The following SLC22A23 variants were observed in gnomAD, a reference collection of about 807,000 sequenced individuals.
The protein encoded by SLC22A23 is ion transporter protein.
In SLC22A23, 26 loss-of-function variants were observed where a neutral mutation model predicts 61.0. That is an observed-to-expected ratio of 0.43 (90% CI 0.31 to 0.59). SLC22A23 has a LOEUF of 0.59. Among genes scored for constraint, SLC22A23 ranks in the 20% least tolerant of loss-of-function variants. The pLI is 0.11. For missense variants in SLC22A23, 796 were observed against 934.7 expected, an observed-to-expected ratio of 0.85 and a Z score of 1.94; for synonymous variants, 430 against 413.9, an observed-to-expected ratio of 1.04 and a Z score of -0.47.
chr6:3,278,450 G>A (rs1436992690), intron 9 of SLC22A23, among the ~76,000 whole-genome samples: 2 of 152,194 alleles, frequency 1.3e-5, no homozygotes, highest in South Asian at 2.1e-4. Context: ...CCAGACCACC[G>A]TTCAAAGACA....
chr6:3,450,375 C>T (rs1302916560), intron 1 of SLC22A23, among the ~76,000 whole-genome samples: 3 of 152,108 alleles, frequency 2.0e-5, no homozygotes, highest in African/African-American at 2.4e-5. Context: ...GGAGTGATCT[C>T]GGCTCACCGC....
chr6:3,455,976 G>C lies in SLC22A23; in HGVS notation c.584C>G (p.Ala195Gly). 6.5e-7 allele frequency: 1 copy of C among 1,546,120 alleles called. No homozygotes were observed. The highest frequency in any genetic ancestry group is 8.7e-7 in the Non-Finnish European group (1 of 1,145,346). ...CCATGCGCGGCAGTCACAGTTGGAG[G>C]CGTTGTCCCCCTTGTCCGGAGGGGA... is the stretch of plus-strand genomic sequence containing the variant. ...LPSPPDKGDN[A>G]SNCDCRAWDY... The change falls in exon 1 of 10, where the codon GCC (alanine) becomes GGC (glycine). Residue 195 changes from alanine to glycine, a missense_variant. Ala to Gly is a moderately conservative substitution (Grantham distance 60). Coordinates refer to ENST00000406686, the MANE Select transcript of SLC22A23 (RefSeq NM_015482.2).
intron 3 of SLC22A23, among the ~76,000 whole-genome samples, chr6:3,399,114 C>T (rs1446956063): frequency 6.6e-6 from 1 of 152,194 alleles, no homozygotes; most frequent in Non-Finnish European, 1.5e-5. Flanking sequence ...TAGAGAATCA[C>T]CAGCAAGGCC....
chr6:3,380,283 T>C (rs1227856809), intron 3 of SLC22A23, among the ~76,000 whole-genome samples: 1 of 152,204 alleles, frequency 6.6e-6, no homozygotes, highest in Non-Finnish European at 1.5e-5. Context: ...GCCTTGACTA[T>C]AACCCCTCCA....
At chr6:3,280,660 T>G (rs1759383661) in intron 9 of SLC22A23, among the ~76,000 whole-genome samples, 2 of 151,952 alleles carry the variant, frequency 1.3e-5, no homozygotes, top group African/African-American at 4.8e-5. Flanking sequence ...CACGCCCGGC[T>G]AATTTTTTTT....
intron 7 of SLC22A23, among the ~76,000 whole-genome samples, chr6:3,285,721 C>T (rs1759930883): frequency 6.6e-6 from 1 of 152,248 alleles, no homozygotes; most frequent in African/African-American, 2.4e-5. Flanking sequence ...GTATAGATTG[C>T]ATAAGAACTG....
chr6:3,423,621 A>G (rs1398624967), intron 1 of SLC22A23, among the ~76,000 whole-genome samples: 6 of 152,198 alleles, frequency 3.9e-5, no homozygotes, highest in African/African-American at 1.4e-4. Flanking sequence ...GGAGGGAGGA[A>G]GGAAGGAACC....
intron 3 of SLC22A23, among the ~76,000 whole-genome samples, chr6:3,359,895 C>T (rs564054168): frequency 6.6e-6 from 1 of 152,266 alleles, no homozygotes; most frequent in African/African-American, 2.4e-5. Context: ...CCAACATATG[C>T]TATAGTATAA....
At position 3,327,091 on chromosome 6, in the gene SLC22A23, C is replaced by T. The variant is rs1581696680; in HGVS notation, c.914-3089G>A. Among the ~76,000 whole-genome samples the T allele has an allele frequency of 6.7e-6, 1 of 148,808 alleles. No individual in the cohort carries two copies. Among genetic ancestry groups the T allele is most frequent in the Non-Finnish European group, 1.5e-5 (1 of 67,412 alleles). The stretch of plus-strand genomic sequence containing the variant: ...TCGTTTCTGCTGGGAGGGACGGGGA[C>T]TGCAGGTGGATAGTTTTTGCTGGGC... On this transcript the variant is annotated intron_variant, in intron 3 of 9. Transcript: ENST00000406686. The surrounding 1 kb of genome is among the most constrained non-coding windows in gnomAD (Gnocchi z 4.1).
chr6:3,363,974 C>A (rs1393219730), intron 3 of SLC22A23, among the ~76,000 whole-genome samples: 2 of 152,170 alleles, frequency 1.3e-5, no homozygotes, highest in Non-Finnish European at 2.9e-5. Flanking sequence ...GTTGGGTGGG[C>A]CCCAAACGGT....
At chr6:3,319,609 C>T (rs551572764) in intron 4 of SLC22A23, among the ~76,000 whole-genome samples, 3 of 152,270 alleles carry the variant, frequency 2.0e-5, no homozygotes, top group Admixed American at 2.0e-4. Context: ...TAACAAATAC[C>T]AGCTCGCTTC....
rs1765367378 is a variant in SLC22A23, at chr6:3,360,498, A to T, written c.914-36496T>A. Among the ~76,000 whole-genome samples, 3 of 152,244 alleles carry T rather than the reference A, an allele frequency of 2.0e-5. No individual in the cohort carries two copies. Among genetic ancestry groups the T allele is most frequent in the Admixed American group, 2.0e-4 (3 of 15,290 alleles). On this transcript the variant is annotated intron_variant, in intron 3 of 9. Coordinates refer to ENST00000406686, the MANE Select transcript of SLC22A23 (RefSeq NM_015482.2). This position sits in a 1 kb window ranked among gnomAD's most constrained non-coding sequence, Gnocchi z 4.6. Reference sequence around the variant, plus strand: ...TGGGGGCATTTGTCTCATCTGCCTTAAAATACAGAACTGCATTCTCATAGT... The same window carrying T: ...TGGGGGCATTTGTCTCATCTGCCTTTAAATACAGAACTGCATTCTCATAGT...
At chr6:3,436,568 C>T (rs1444264314) in intron 1 of SLC22A23, among the ~76,000 whole-genome samples, 1 of 152,212 alleles carries the variant, frequency 6.6e-6, no homozygotes, top group East Asian at 1.9e-4. Context: ...TAAGTGTCTT[C>T]TCCCGCTCCT....
intron 3 of SLC22A23, among the ~76,000 whole-genome samples, chr6:3,366,332 C>CAAAAAAAAAAAAAAAAA (rs11387672): frequency 5.4e-5 from 4 of 74,156 alleles, no homozygotes; most frequent in African/African-American, 2.5e-4. Context: ...GACTCTGTCT[C>CAAAAAAAAAAAAAAAAA]AAAAAAAAAA....
chr6:3,280,474 CATTTTTA>C (rs1759345570), intron 9 of SLC22A23, among the ~76,000 whole-genome samples: 1 of 111,486 alleles, frequency 9.0e-6, no homozygotes, highest in South Asian at 3.0e-4. Flanking sequence ...TCAGATGTGA[CATTTTTA>C]AGACACAACT....
intron 1 of SLC22A23, among the ~76,000 whole-genome samples, chr6:3,448,040 T>A (rs1214720220): frequency 6.6e-6 from 1 of 151,144 alleles, no homozygotes; most frequent in Non-Finnish European, 1.5e-5. Context: ...GTAGCTGGGA[T>A]TACAGGCACC....
intron 1 of SLC22A23, among the ~76,000 whole-genome samples, chr6:3,441,621 C>T (rs1771600823): frequency 6.6e-6 from 1 of 152,212 alleles, no homozygotes; most frequent in African/African-American, 2.4e-5. Flanking sequence ...GGAAGCGACT[C>T]CTCTGCGCCC....
At chr6:3,447,583 C>CTTTTTTTTT (rs757788904) in intron 1 of SLC22A23, among the ~76,000 whole-genome samples, 2 of 113,412 alleles carry the variant, frequency 1.8e-5, no homozygotes, top group Non-Finnish European at 3.4e-5. Context: ...AAGAAACTTT[C>CTTTTTTTTT]TTTTTTTTTT....
At chr6:3,364,716 T>C (rs1765692211) in intron 3 of SLC22A23, among the ~76,000 whole-genome samples, 1 of 152,180 alleles carries the variant, frequency 6.6e-6, no homozygotes, top group Non-Finnish European at 1.5e-5. Context: ...AGGAGGCACC[T>C]GACAGGAGAA....
Sources: allele counts gnomAD v4.1 joint callset (sites outside exome capture counted in the v4.1 genomes callset), GRCh38; gene constraint gnomAD v4.1.1; non-coding constraint Gnocchi (gnomAD v3.1); transcripts MANE v1.5; gene names NCBI Gene and HGNC (gene_info 2026-07-23, HGNC 2026-07-21).